The following RAP1GDS1 variants were observed in gnomAD, a reference collection of about 807,000 sequenced individuals.
The protein encoded by RAP1GDS1 is Rap1 GTPase-GDP dissociation stimulator 1.
A neutral mutation model predicts 71.1 loss-of-function variants in RAP1GDS1; 35 were observed. The observed-to-expected ratio is 0.49, with a 90% confidence interval of 0.38 to 0.65. The LOEUF (loss-of-function observed/expected upper bound fraction) is 0.65. RAP1GDS1 is among the 30% of genes least tolerant of loss of function. RAP1GDS1 has a pLI of 0.00. For synonymous variants in RAP1GDS1, 229 were observed against 243.1 expected (o/e 0.94, Z 0.54); for missense variants, 663 against 706.1 (o/e 0.94, Z 0.69).
At chr4:98,350,221 T>C (rs1736961914) in intron 3 of RAP1GDS1, among the ~76,000 whole-genome samples, 1 of 152,206 alleles carries the variant, frequency 6.6e-6, no homozygotes, top group Non-Finnish European at 1.5e-5. Flanking sequence ...ATTGCCTGAA[T>C]AGCAATAACA....
intron 14 of RAP1GDS1, among the ~76,000 whole-genome samples, chr4:98,438,836 G>T (rs1751519559): frequency 6.6e-6 from 1 of 151,564 alleles, no homozygotes; most frequent in Non-Finnish European, 1.5e-5. Context: ...CACCCGTCAG[G>T]GTGATCCACC....
At chr4:98,353,055 C>T (rs1737446373) in intron 4 of RAP1GDS1, among the ~76,000 whole-genome samples, 1 of 152,092 alleles carries the variant, frequency 6.6e-6, no homozygotes, top group African/African-American at 2.4e-5. Context: ...TAGATTGGCC[C>T]ATTACATTTG....
At chr4:98,344,373 T>G (rs1392152242) in intron 3 of RAP1GDS1, among the ~76,000 whole-genome samples, 1 of 152,200 alleles carries the variant, frequency 6.6e-6, no homozygotes, top group Non-Finnish European at 1.5e-5. Context: ...TAAGAACAAG[T>G]CTTTTATTTT....
chr4:98,427,826 A>G (rs1749826660), intron 12 of RAP1GDS1, among the ~76,000 whole-genome samples: 1 of 152,198 alleles, frequency 6.6e-6, no homozygotes, highest in South Asian at 2.1e-4. Flanking sequence ...CCATTAAAAT[A>G]CCACCATCAT....
At chr4:98,277,080 G>T (rs1724322906) in intron 1 of RAP1GDS1, among the ~76,000 whole-genome samples, 1 of 151,962 alleles carries the variant, frequency 6.6e-6, no homozygotes. Flanking sequence ...TATTATACCA[G>T]ACTAGCTCCA....
intron 5 of RAP1GDS1, among the ~76,000 whole-genome samples, chr4:98,389,568 CAT>C (rs2110123168): frequency 6.6e-6 from 1 of 152,252 alleles, no homozygotes; most frequent in South Asian, 2.1e-4. Flanking sequence ...TAGTTAGACA[CAT>C]TTTCACGAAG....
intron 4 of RAP1GDS1, among the ~76,000 whole-genome samples, chr4:98,357,608 C>A (rs1395203826): frequency 6.6e-6 from 1 of 151,776 alleles, no homozygotes; most frequent in Non-Finnish European, 1.5e-5. Context: ...GGAACACAAC[C>A]TGAGGACAAT....
chr4:98,261,671 A>G, intron 1 of RAP1GDS1, 102 bp downstream of exon 1: 1 of 1,406,840 alleles, frequency 7.1e-7, no homozygotes, highest in South Asian at 1.3e-5. Flanking sequence ...GGATTTCTCC[A>G]GTCCCCGGGT....
At chr4:98,323,093 A>C (rs921927716) in intron 2 of RAP1GDS1, among the ~76,000 whole-genome samples, 1 of 151,466 alleles carries the variant, frequency 6.6e-6, no homozygotes, top group Non-Finnish European at 1.5e-5. Flanking sequence ...AGGGGATATC[A>C]CCACCGATCC....
chr4:98,335,290 A>AAG (rs1299294571), intron 2 of RAP1GDS1, among the ~76,000 whole-genome samples: 4 of 152,196 alleles, frequency 2.6e-5, no homozygotes, highest in Admixed American at 2.6e-4. Context: ...GATCAATAAT[A>AAG]AGAGTGAGGC....
At chr4:98,428,131 G>T (rs1229291486) in intron 12 of RAP1GDS1, among the ~76,000 whole-genome samples, 3 of 152,058 alleles carry the variant, frequency 2.0e-5, no homozygotes, top group Admixed American at 6.5e-5. Context: ...AACAAATGGT[G>T]CTGTGATTAT....
At chr4:98,331,272 G>A (rs1733969846) in intron 2 of RAP1GDS1, among the ~76,000 whole-genome samples, 1 of 151,856 alleles carries the variant, frequency 6.6e-6, no homozygotes, top group Non-Finnish European at 1.5e-5. Context: ...GCAACAGAGG[G>A]AGACCATGGA....
intron 3 of RAP1GDS1, among the ~76,000 whole-genome samples, chr4:98,352,165 T>C (rs1737303434): frequency 1.3e-5 from 2 of 152,054 alleles, no homozygotes; most frequent in Non-Finnish European, 2.9e-5. Context: ...TTCCAAAGCA[T>C]ATCGTTATTA....
chr4:98,394,758 T>A lies in RAP1GDS1; in HGVS notation c.637+2678T>A, dbSNP rs549367013. 2.7e-3 allele frequency among the ~76,000 whole-genome samples: 418 copies of A among 152,290 alleles called. 1 individual carries two copies. Among genetic ancestry groups the A allele is most frequent in the Non-Finnish European group, 4.8e-3 (324 of 67,992 alleles). On this transcript the variant is annotated intron_variant, in intron 6 of 14. Coordinates refer to ENST00000408927, the MANE Select transcript of RAP1GDS1 (RefSeq NM_001100427.2). The stretch of plus-strand genomic sequence containing the variant: ...ATATTTGAACCCAAATACTTCAATA[T>A]GTAAATATTGGTATAACTCTTGCTG...
chr4:98,295,014 G>A (rs1727525656), intron 2 of RAP1GDS1, among the ~76,000 whole-genome samples: 1 of 152,012 alleles, frequency 6.6e-6, no homozygotes. Context: ...AGGACATGAA[G>A]GGTCATATTC....
intron 5 of RAP1GDS1, among the ~76,000 whole-genome samples, chr4:98,387,943 T>G (rs753377571): frequency 3.3e-5 from 5 of 152,190 alleles, no homozygotes; most frequent in Non-Finnish European, 7.3e-5. Flanking sequence ...GTTCTCAGAA[T>G]TTCTTCCTGT....
intron 7 of RAP1GDS1, among the ~76,000 whole-genome samples, chr4:98,412,496 C>T (rs548991460): frequency 1.4e-4 from 22 of 152,214 alleles, no homozygotes; most frequent in East Asian, 5.8e-4. Context: ...GCCTGGGCAA[C>T]GGAGCGAGAC....
At chr4:98,296,208 A>G (rs1727727234) in intron 2 of RAP1GDS1, among the ~76,000 whole-genome samples, 1 of 152,142 alleles carries the variant, frequency 6.6e-6, no homozygotes, top group Non-Finnish European at 1.5e-5. Context: ...TAATGGAAAT[A>G]TAAACAAAAT....
intron 7 of RAP1GDS1, among the ~76,000 whole-genome samples, chr4:98,412,778 A>G (rs1014531467): frequency 6.6e-6 from 1 of 152,124 alleles, no homozygotes; most frequent in South Asian, 2.1e-4. Flanking sequence ...GTGACATCAC[A>G]TATCGGTAGG....
Sources: allele counts gnomAD v4.1 joint callset (sites outside exome capture counted in the v4.1 genomes callset), GRCh38; gene constraint gnomAD v4.1.1; transcripts MANE v1.5; gene names NCBI Gene and HGNC (gene_info 2026-07-23, HGNC 2026-07-21).